The following CLIC4 variants were observed in gnomAD, a reference collection of about 807,000 sequenced individuals.
CLIC4 encodes chloride intracellular channel protein 4.
CLIC4 carries 13 observed loss-of-function variants against 24.6 expected under a neutral mutation model. The observed-to-expected ratio is 0.53, with a 90% confidence interval of 0.34 to 0.84. The LOEUF (loss-of-function observed/expected upper bound fraction) is 0.84, where lower values mean the gene tolerates loss of function less well. Ranked by LOEUF, CLIC4 falls within the 40% of genes least tolerant of loss-of-function variation. The probability of loss-of-function intolerance (pLI) is 0.01; values close to 1 mark genes in which losing one functional copy is unlikely to be tolerated. For synonymous variants in CLIC4, 104 were observed against 111.3 expected, an observed-to-expected ratio of 0.93 and a Z score of 0.41; for missense variants, 227 against 301.7, an observed-to-expected ratio of 0.75 and a Z score of 1.83.
At chr1:24,780,776 T>C (rs1639193976) in intron 1 of CLIC4, among the ~76,000 whole-genome samples, 1 of 152,146 alleles carries the variant, frequency 6.6e-6, no homozygotes, top group Non-Finnish European at 1.5e-5. Flanking sequence ...ACATCAGAGT[T>C]TGAGAAGCTG....
Position 24,826,307 on chromosome 1 carries a change from A to G in CLIC4, c.309-703A>G, listed in dbSNP as rs141994266. Among the ~76,000 whole-genome samples the G allele has an allele frequency of 7.0e-3, 1,062 of 152,274 alleles. 20 individuals carry two copies. The highest frequency in any genetic ancestry group is 0.019 in the East Asian group (97 of 5,174). On this transcript the variant is annotated intron_variant, in intron 3 of 5. Coordinates refer to ENST00000374379, the MANE Select transcript of CLIC4 (RefSeq NM_013943.3). Reference sequence around the variant, plus strand: ...TGTAATATAAGGGAGGTTTTGGGAAATCCCAGGTGTAGGTTTCAAGCGATT... The same window carrying G: ...TGTAATATAAGGGAGGTTTTGGGAAGTCCCAGGTGTAGGTTTCAAGCGATT...
chr1:24,796,848 G>A (rs1168071491), intron 1 of CLIC4, among the ~76,000 whole-genome samples: 1 of 152,000 alleles, frequency 6.6e-6, no homozygotes, highest in Non-Finnish European at 1.5e-5. Flanking sequence ...TATTGCTAGT[G>A]GCTACCATAT....
At chr1:24,751,121 A>G (rs1430753630) in intron 1 of CLIC4, among the ~76,000 whole-genome samples, 1 of 151,606 alleles carries the variant, frequency 6.6e-6, no homozygotes, top group African/African-American at 2.4e-5. Context: ...ATGGTTCTTC[A>G]TCCTGATTTC....
At chr1:24,767,650 C>T (rs900547527) in intron 1 of CLIC4, among the ~76,000 whole-genome samples, 3 of 152,076 alleles carry the variant, frequency 2.0e-5, no homozygotes, top group Non-Finnish European at 2.9e-5. Flanking sequence ...CTTAGTCCAT[C>T]GGCCTCAGCA....
At chr1:24,792,816 T>G (rs1395477988) in intron 1 of CLIC4, among the ~76,000 whole-genome samples, 1 of 152,220 alleles carries the variant, frequency 6.6e-6, no homozygotes, top group Non-Finnish European at 1.5e-5. Flanking sequence ...CAGTCACCTG[T>G]GAAAGGAAAG....
chr1:24,828,843 A>G (rs891020679), intron 4 of CLIC4, among the ~76,000 whole-genome samples: 1 of 152,230 alleles, frequency 6.6e-6, no homozygotes, highest in African/African-American at 2.4e-5. Flanking sequence ...AACAAACAAC[A>G]TAATATAATA....
In CLIC4 at chr1:24,746,557, T is replaced by TA. The variant is rs535734100; in HGVS notation, c.72+940dup. ...GGATCCAGCTCCTTCCCTCAAAACT[T>TA]AAAAAAAACACTTTGAGCTTCTTCC... On this transcript the variant is annotated intron_variant, in intron 1 of 5. Transcript: ENST00000374379. Among the ~76,000 whole-genome samples the TA allele has an allele frequency of 7.6e-3, 1,158 of 151,954 alleles. 8 individuals carry two copies. Among genetic ancestry groups the TA allele is most frequent in the Middle Eastern group, 0.031 (9 of 294 alleles).
At position 24,825,939 on chromosome 1, in the gene CLIC4, T is replaced by C. The variant is rs557198848; in HGVS notation, c.309-1071T>C. ...CCAAGTCCATTTTCTAGTGACGTTT[T>C]GCAGGACCTTCAAGCTGATTAATCT... On this transcript the variant is annotated intron_variant, in intron 3 of 5. Coordinates refer to ENST00000374379, the MANE Select transcript of CLIC4 (RefSeq NM_013943.3). 2.0e-5 allele frequency among the ~76,000 whole-genome samples: 3 copies of C among 152,356 alleles called. No homozygotes were observed. In the South Asian group the frequency reaches 6.2e-4, roughly 32 times the overall value.
chr1:24,820,267 C>CTTTTT lies in CLIC4; in HGVS notation c.308+6069_308+6073dup, dbSNP rs372726009. 1.0e-3 allele frequency among the ~76,000 whole-genome samples: 50 copies of CTTTTT among 49,770 alleles called. 1 individual carries two copies. Among genetic ancestry groups the CTTTTT allele is most frequent in the African/African-American group, 2.0e-3 (22 of 11,112 alleles). The allele number at this position is 49,770 out of a possible 152,430, so 32.7% of individuals were successfully genotyped here. ...TCCCACTTCTAGGTCCCTTTTTGGT[C>CTTTTT]TTTTTTTTTTTTTTTTTTTTTTTTT... On this transcript the variant is annotated intron_variant, in intron 3 of 5. Coordinates refer to ENST00000374379, the MANE Select transcript of CLIC4 (RefSeq NM_013943.3).
intron 2 of CLIC4, among the ~76,000 whole-genome samples, chr1:24,813,665 C>A (rs181768527): frequency 6.7e-6 from 1 of 149,024 alleles, no homozygotes; most frequent in Non-Finnish European, 1.5e-5. Flanking sequence ...GTGATCCACC[C>A]GCCTCGGCCT....
intron 1 of CLIC4, among the ~76,000 whole-genome samples, chr1:24,755,153 A>C (rs892297272): frequency 2.7e-5 from 4 of 149,516 alleles, no homozygotes; most frequent in Non-Finnish European, 5.9e-5. Flanking sequence ...TTTTTAGTAG[A>C]GATGGGGTTT....
intron 4 of CLIC4, among the ~76,000 whole-genome samples, chr1:24,838,035 C>A (rs1639903107): frequency 6.6e-6 from 1 of 152,136 alleles, no homozygotes; most frequent in Admixed American, 6.5e-5. Flanking sequence ...CATCTCTACT[C>A]ACATGTCTTA....
Position 24,827,052 on chromosome 1 carries a change from T to G in CLIC4, c.351T>G (p.Ala117=), listed in dbSNP as rs1639793372. ...CAAAACACCCAGAATCAAATACTGC[T>G]GGAATGGACATCTTTGCCAAATTCT... ...LSPKHPESNT[A]GMDIFAKFSA... is the part of the protein sequence containing the mutation. The change falls in exon 4 of 6, where the codon GCT becomes GCG. Residue 117 remains alanine, a synonymous_variant. Coordinates refer to ENST00000374379, the MANE Select transcript of CLIC4 (RefSeq NM_013943.3). 3 of 1,611,958 alleles carry G rather than the reference T, an allele frequency of 1.9e-6. No homozygotes were observed. The highest frequency in any genetic ancestry group is 1.7e-4 in the Middle Eastern group (1 of 5,886).
At chr1:24,801,186 A>T (rs534370576) in intron 2 of CLIC4, among the ~76,000 whole-genome samples, 1 of 152,228 alleles carries the variant, frequency 6.6e-6, no homozygotes, top group Non-Finnish European at 1.5e-5. Flanking sequence ...TTTTAAAACT[A>T]TTAGTCTGTT....
intron 1 of CLIC4, among the ~76,000 whole-genome samples, chr1:24,746,627 G>A (rs1360465906): frequency 1.3e-5 from 2 of 152,092 alleles, no homozygotes; most frequent in African/African-American, 2.4e-5. Context: ...GCAACATACC[G>A]GAAAGTAAAT....
chr1:24,750,714 C>G (rs1312760980), intron 1 of CLIC4, among the ~76,000 whole-genome samples: 1 of 151,970 alleles, frequency 6.6e-6, no homozygotes, highest in South Asian at 2.1e-4. Context: ...TTGTGTATCC[C>G]AGGATACATC....
chr1:24,817,286 C>G (rs1287791008), intron 3 of CLIC4, among the ~76,000 whole-genome samples: 2 of 152,198 alleles, frequency 1.3e-5, no homozygotes, highest in Non-Finnish European at 2.9e-5. Flanking sequence ...CTAGATAGAT[C>G]AGCTAGATCT....
At position 24,840,885 on chromosome 1, in the gene CLIC4, A is replaced by G; in HGVS notation, c.710A>G (p.Asp237Gly). ...GAGTTCACCAATACCTGTCCCAGTG[A>G]TAAGGAGGTTGAAATAGCATATAGT... ...RDEFTNTCPS[D>G]KEVEIAYSDV... Residue 237 changes from aspartate to glycine, a missense_variant, in exon 6 of 6, where the codon GAT (aspartate) becomes GGT (glycine). Coordinates refer to ENST00000374379, the MANE Select transcript of CLIC4 (RefSeq NM_013943.3). 6.2e-7 allele frequency: 1 copy of G among 1,612,240 alleles called. No individual in the cohort carries two copies. Among genetic ancestry groups the G allele is most frequent in the Non-Finnish European group, 8.5e-7 (1 of 1,179,158 alleles).
chr1:24,826,967 C>T (rs1235277320), intron 3 of CLIC4, 43 bp from the exon 4 acceptor site: 1 of 1,380,584 alleles, frequency 7.2e-7, no homozygotes, highest in South Asian at 1.3e-5. Context: ...TATGCTAATT[C>T]ATCTTTGAAG....
Sources: allele counts gnomAD v4.1 joint callset (sites outside exome capture counted in the v4.1 genomes callset), GRCh38; gene constraint gnomAD v4.1.1; transcripts MANE v1.5; gene names NCBI Gene and HGNC (gene_info 2026-07-23, HGNC 2026-07-21).